The following ST3GAL3 variants were observed in gnomAD, a reference collection of about 807,000 sequenced individuals.
ST3GAL3 encodes ST3 beta-galactoside alpha-2,3-sialyltransferase 3.
In ST3GAL3, 21 loss-of-function variants were observed where a neutral mutation model predicts 50.1. The observed-to-expected ratio is 0.42, with a 90% CI of 0.30 to 0.60. ST3GAL3 has a LOEUF of 0.60. Ranked by LOEUF, ST3GAL3 falls within the 20% of genes least tolerant of loss-of-function variation. The probability of loss-of-function intolerance (pLI) is 0.19; values close to 1 mark genes in which losing one functional copy is unlikely to be tolerated. For missense variants in ST3GAL3, 353 were observed against 489.4 expected, an observed-to-expected ratio of 0.72 and a Z score of 2.63; for synonymous variants, 183 against 190.0, an observed-to-expected ratio of 0.96 and a Z score of 0.30.
intron 2 of ST3GAL3, among the ~76,000 whole-genome samples, chr1:43,771,469 T>A (rs1695147318): frequency 2.0e-5 from 3 of 152,028 alleles, no homozygotes; most frequent in Admixed American, 2.0e-4. Context: ...ACCATTCTCC[T>A]GCCTCAGCCT....
At position 43,857,797 on chromosome 1, in the gene ST3GAL3, G is replaced by A. The variant is rs1399782851; in HGVS notation, c.302+19486G>A. Among the ~76,000 whole-genome samples the A allele has an allele frequency of 5.9e-5, 9 of 152,150 alleles. No homozygotes were observed. In the East Asian group the frequency reaches 1.7e-3, roughly 29 times the overall value. ...TGTCCAGCTAATTTTTGTATCTTTA[G>A]TAGAAGCGGGGTTTCACCATGATGG... On this transcript the variant is annotated intron_variant, in intron 5 of 11. Transcript: ENST00000347631.
intron 4 of ST3GAL3, among the ~76,000 whole-genome samples, chr1:43,825,733 G>A (rs2062711072): frequency 6.6e-6 from 1 of 152,148 alleles, no homozygotes; most frequent in Admixed American, 6.5e-5. Flanking sequence ...TGACCCTTAG[G>A]AAAATGTTTT....
intron 5 of ST3GAL3, among the ~76,000 whole-genome samples, chr1:43,856,203 A>G (rs2068336251): frequency 6.6e-6 from 1 of 152,270 alleles, no homozygotes; most frequent in South Asian, 2.1e-4. Flanking sequence ...GCATGTATAC[A>G]AAAAGGACAT....
chr1:43,870,944 G>C (rs930219579), intron 5 of ST3GAL3, among the ~76,000 whole-genome samples: 1 of 152,186 alleles, frequency 6.6e-6, no homozygotes, highest in Non-Finnish European at 1.5e-5. Flanking sequence ...TTCCCCAACA[G>C]GCTTAGTCCT....
At chr1:43,717,216 C>T (rs1267354363) in intron 1 of ST3GAL3, among the ~76,000 whole-genome samples, 2 of 152,180 alleles carry the variant, frequency 1.3e-5, no homozygotes, top group Non-Finnish European at 2.9e-5. Flanking sequence ...CACCCTGCTC[C>T]TTGAGGGCAG....
chr1:43,896,090 A>C (rs1275437463), intron 6 of ST3GAL3, among the ~76,000 whole-genome samples: 1 of 152,108 alleles, frequency 6.6e-6, no homozygotes, highest in Non-Finnish European at 1.5e-5. Context: ...AGTGTAGAAC[A>C]TTGCTTAAAG....
At chr1:43,749,569 T>C (rs995776796) in intron 2 of ST3GAL3, among the ~76,000 whole-genome samples, 2 of 152,144 alleles carry the variant, frequency 1.3e-5, no homozygotes, top group African/African-American at 4.8e-5. Context: ...ATACCCCATC[T>C]TAAACAAACA....
At chr1:43,805,709 A>G (rs955173936) in intron 3 of ST3GAL3, among the ~76,000 whole-genome samples, 2 of 152,178 alleles carry the variant, frequency 1.3e-5, no homozygotes, top group African/African-American at 4.8e-5. Flanking sequence ...GGTGAGGTCT[A>G]CATAGGGAGG....
chr1:43,851,590 G>T, intron 5 of ST3GAL3: 1 of 1,394,938 alleles, frequency 7.2e-7, no homozygotes, highest in Non-Finnish European at 1.0e-6. Flanking sequence ...GAGGTAATCA[G>T]CTCCAATCCA....
intron 4 of ST3GAL3, chr1:43,824,862 C>A (rs1311701225): frequency 2.2e-6 from 2 of 910,318 alleles, no homozygotes; most frequent in Non-Finnish European, 3.7e-6. Context: ...GAGGACACAG[C>A]CTTTGCATTA....
chr1:43,851,072 C>T (rs2154213188), intron 5 of ST3GAL3: 10 of 873,106 alleles, frequency 1.1e-5, no homozygotes, highest in South Asian at 6.5e-5. Flanking sequence ...ATGAGATACA[C>T]CCCATTCTCA....
intron 5 of ST3GAL3, among the ~76,000 whole-genome samples, chr1:43,880,283 C>G (rs540496533): frequency 5.9e-5 from 9 of 152,148 alleles, no homozygotes; most frequent in Non-Finnish European, 1.0e-4. Context: ...TTCATAAGTC[C>G]CTACAGTCTA....
At chr1:43,882,572 A>C (rs2075321392) in intron 5 of ST3GAL3, among the ~76,000 whole-genome samples, 1 of 152,224 alleles carries the variant, frequency 6.6e-6, no homozygotes, top group South Asian at 2.1e-4. Flanking sequence ...TCCTCCCTGC[A>C]GCCATAGAAG....
At chr1:43,805,605 G>C (rs960203853) in intron 3 of ST3GAL3, among the ~76,000 whole-genome samples, 6 of 152,366 alleles carry the variant, frequency 3.9e-5, no homozygotes, top group African/African-American at 1.4e-4. Context: ...AAGAGTCTTA[G>C]TGGAACTTCT....
chr1:43,810,018 G>A (rs12123718), intron 3 of ST3GAL3, among the ~76,000 whole-genome samples: 53,196 of 144,526 alleles, frequency 0.37, 10,652 homozygotes, highest in East Asian at 0.59. Flanking sequence ...AAGAAAGAAA[G>A]AAAAAAGAAA....
At chr1:43,772,049 G>C (rs1695460188) in intron 2 of ST3GAL3, 1 of 383,294 alleles carries the variant, frequency 2.6e-6, no homozygotes, top group Admixed American at 4.7e-5. Flanking sequence ...TTTTTTTTTA[G>C]ATGGAGTTTC....
chr1:43,916,542 A>G (rs1377365005), intron 9 of ST3GAL3: 2 of 152,240 alleles, frequency 1.3e-5, no homozygotes, highest in Non-Finnish European at 2.9e-5. Flanking sequence ...TAGATATCCA[A>G]CAACAGTGTT....
intron 2 of ST3GAL3, among the ~76,000 whole-genome samples, chr1:43,763,445 A>T (rs1691313089): frequency 6.6e-6 from 1 of 152,112 alleles, no homozygotes; most frequent in African/African-American, 2.4e-5. Context: ...CTTTCTTATT[A>T]TGAGCAATAG....
chr1:43,885,993 G>A (rs894674928), intron 5 of ST3GAL3, among the ~76,000 whole-genome samples: 4 of 152,230 alleles, frequency 2.6e-5, no homozygotes, highest in Non-Finnish European at 5.9e-5. Context: ...ATAAATTCTA[G>A]CGTTCCATGA....
Sources: gnomAD v4.1 joint callset for allele counts (sites outside exome capture counted in the v4.1 genomes callset) on GRCh38, gnomAD v4.1.1 for gene constraint, MANE v1.5 for transcripts, NCBI Gene and HGNC (gene_info 2026-07-23, HGNC 2026-07-21) for gene names.